Variants in LDLRAD4 observed in about 807,000 individuals in gnomAD.
LDLRAD4 encodes low density lipoprotein receptor class A domain containing 4, also known as low-density lipoprotein receptor class A domain-containing protein 4.
Under a neutral mutation model 17.0 loss-of-function variants are expected in LDLRAD4, and 5 were observed. That is an observed-to-expected ratio of 0.29 (90% CI 0.15 to 0.62). The LOEUF is 0.62. LDLRAD4 is among the 20% of genes least tolerant of loss of function. The pLI, the probability that LDLRAD4 is intolerant of heterozygous loss-of-function variation, is 0.84. For synonymous variants in LDLRAD4, 168 were observed against 171.8 expected (o/e 0.98, Z 0.17); for missense variants, 340 against 424.7 (o/e 0.80, Z 1.75).
At chr18:13,262,440 A>G (rs1355541074) in intron 1 of LDLRAD4, among the ~76,000 whole-genome samples, 43 of 88,290 alleles carry the variant, frequency 4.9e-4, no homozygotes, top group African/African-American at 1.6e-3. Context: ...CTGTGCGTGG[A>G]AACTGAGTCC....
chr18:13,374,601 G>A (rs544708562), intron 1 of LDLRAD4, among the ~76,000 whole-genome samples: 15 of 152,320 alleles, frequency 9.8e-5, no homozygotes, highest in East Asian at 7.7e-4. Flanking sequence ...CAGAACAGCC[G>A]TGCATCAGAA....
At chr18:13,314,897 A>G (rs546613929) in intron 1 of LDLRAD4, among the ~76,000 whole-genome samples, 11 of 152,200 alleles carry the variant, frequency 7.2e-5, no homozygotes, top group East Asian at 1.9e-4. Flanking sequence ...TATTATTATT[A>G]TTGTTGTTGT....
intron 3 of LDLRAD4, chr18:13,542,887 T>C (rs1397511131): frequency 6.6e-6 from 1 of 152,218 alleles, no homozygotes; most frequent in Non-Finnish European, 1.5e-5. Flanking sequence ...AGAGGTACCT[T>C]GCCTGCTTGT....
intron 1 of LDLRAD4, among the ~76,000 whole-genome samples, chr18:13,297,952 T>C (rs1225829461): frequency 2.0e-5 from 3 of 152,202 alleles, no homozygotes; most frequent in African/African-American, 7.2e-5. Context: ...GGCTGGGCCC[T>C]CTCTTAGTTA....
intron 1 of LDLRAD4, among the ~76,000 whole-genome samples, chr18:13,304,050 G>A (rs191608781): frequency 6.6e-5 from 10 of 152,352 alleles, no homozygotes; most frequent in East Asian, 1.9e-4. Context: ...GTCCTGCACC[G>A]CCAGGGGTGG....
intron 1 of LDLRAD4, among the ~76,000 whole-genome samples, chr18:13,372,807 A>T (rs1229221295): frequency 6.6e-6 from 1 of 152,214 alleles, no homozygotes; most frequent in Non-Finnish European, 1.5e-5. Flanking sequence ...GCATGTAGCC[A>T]CACCATGTGT....
intron 2 of LDLRAD4, among the ~76,000 whole-genome samples, chr18:13,417,059 T>C (rs1160372430): frequency 2.0e-5 from 3 of 152,198 alleles, no homozygotes; most frequent in African/African-American, 7.2e-5. Context: ...CCAGGCACTC[T>C]TGCAGCAGTA....
chr18:13,592,076 C>A (rs12327401), intron 3 of LDLRAD4, among the ~76,000 whole-genome samples: 4,028 of 152,208 alleles, frequency 0.026, 99 homozygotes, highest in African/African-American at 0.068. Flanking sequence ...TAACCTTCGA[C>A]CTTGAAAGAT....
At chr18:13,534,882 C>A (rs1249425795) in intron 3 of LDLRAD4, among the ~76,000 whole-genome samples, 2 of 152,248 alleles carry the variant, frequency 1.3e-5, no homozygotes, top group Non-Finnish European at 2.9e-5. Flanking sequence ...CCTGCTGTCA[C>A]TCTACTTTTT....
chr18:13,565,324 G>C (rs749695262), intron 3 of LDLRAD4, among the ~76,000 whole-genome samples: 1 of 152,190 alleles, frequency 6.6e-6, no homozygotes, highest in Non-Finnish European at 1.5e-5. Context: ...CCCCTGTGAC[G>C]GGCCTTTGTG....
intron 3 of LDLRAD4, among the ~76,000 whole-genome samples, chr18:13,600,467 C>G (rs528283866): frequency 2.0e-5 from 3 of 152,298 alleles, no homozygotes; most frequent in Admixed American, 6.5e-5. Flanking sequence ...GTCTCCTGAC[C>G]AGCATCCAAC....
intron 2 of LDLRAD4, among the ~76,000 whole-genome samples, chr18:13,421,637 C>T (rs1402019954): frequency 6.6e-6 from 1 of 152,184 alleles, no homozygotes; most frequent in African/African-American, 2.4e-5. Context: ...GCACCCGTGG[C>T]TGCCCCTTAC....
At chr18:13,563,510 G>A (rs923278144) in intron 3 of LDLRAD4, among the ~76,000 whole-genome samples, 5 of 152,162 alleles carry the variant, frequency 3.3e-5, no homozygotes, top group South Asian at 2.1e-4. Flanking sequence ...CTTCATTTGC[G>A]GAGGGTGAGT....
At chr18:13,615,283 A>G (rs1369863246) in intron 3 of LDLRAD4, 1 of 152,208 alleles carries the variant, frequency 6.6e-6, no homozygotes, top group African/African-American at 2.4e-5. Flanking sequence ...TTGCCCCCTG[A>G]CCCATGATAG....
chr18:13,421,643 C>G (rs915985056), intron 2 of LDLRAD4, among the ~76,000 whole-genome samples: 1 of 152,166 alleles, frequency 6.6e-6, no homozygotes, highest in Non-Finnish European at 1.5e-5. Flanking sequence ...GTGGCTGCCC[C>G]TTACTTCTGC....
At position 13,556,863 on chromosome 18, in the gene LDLRAD4, T is replaced by A. The variant is rs77025018; in HGVS notation, c.182-64254T>A. Among the ~76,000 whole-genome samples, 326 of 152,312 alleles carry A rather than the reference T, an allele frequency of 2.1e-3. 3 individuals are homozygous for A. The highest frequency in any genetic ancestry group is 7.5e-3 in the African/African-American group (312 of 41,560). ...GTATTAGGTTTCCTCACTGTCAAGT[T>A]GCTCTTTTCCCCCGTCTAAAGAGAA... On this transcript the variant is annotated intron_variant, in intron 3 of 5. Transcript: ENST00000359446.
In LDLRAD4 at chr18:13,640,225, G is replaced by A. The variant is rs569984465; in HGVS notation, c.337-3134G>A. Among the ~76,000 whole-genome samples, 210 of 141,702 alleles carry A rather than the reference G, an allele frequency of 1.5e-3. 1 individual carries two copies. The highest frequency in any genetic ancestry group is 2.4e-3 in the Non-Finnish European group (164 of 66,966). 93.0% of individuals were successfully genotyped at this position (141,702 alleles called of 152,430 possible). On this transcript the variant is annotated intron_variant, in intron 4 of 5. Coordinates refer to ENST00000359446, the Ensembl canonical transcript of LDLRAD4. ...GGAGAATGGCGTGAACCCGGGAGGC[G>A]GAGCTTGCAGTGAGCCGAGATCCCG... is the stretch of plus-strand genomic sequence containing the variant.
intron 1 of LDLRAD4, among the ~76,000 whole-genome samples, chr18:13,317,016 T>TA (rs1298889544): frequency 1.3e-5 from 2 of 152,164 alleles, no homozygotes; most frequent in African/African-American, 4.8e-5. Flanking sequence ...AATTGCTGCT[T>TA]ACGATAGACG....
At chr18:13,407,149 C>T (rs1441848486) in intron 2 of LDLRAD4, among the ~76,000 whole-genome samples, 1 of 152,130 alleles carries the variant, frequency 6.6e-6, no homozygotes, top group Non-Finnish European at 1.5e-5. Context: ...TATCAGCTTT[C>T]CCTACCCTTG....
Sources: gnomAD v4.1 joint callset for allele counts (sites outside exome capture counted in the v4.1 genomes callset) on GRCh38, gnomAD v4.1.1 for gene constraint, MANE v1.5 for transcripts, NCBI Gene and HGNC (gene_info 2026-07-23, HGNC 2026-07-21) for gene names.